The following SPINK6 variants were observed in gnomAD, a reference collection of about 807,000 sequenced individuals.
SPINK6 encodes serine protease inhibitor Kazal-type 6.
A neutral mutation model predicts 11.7 loss-of-function variants in SPINK6; 13 were observed. The observed-to-expected ratio is 1.11, with a 90% CI of 0.72 to 1.76. The LOEUF is 1.76. Ranked by LOEUF, SPINK6 falls within the 40% of genes most tolerant of loss-of-function variation. SPINK6 has a pLI of 0.00. For missense variants in SPINK6, 98 were observed against 93.7 expected (o/e 1.05, Z -0.19); for synonymous variants, 21 against 31.9 (o/e 0.66, Z 1.15).
chr5:148,212,548 T>TTTATATAAG (rs1561733613), intron 2 of SPINK6, among the ~76,000 whole-genome samples: 8 of 112,514 alleles, frequency 7.1e-5, no homozygotes, highest in South Asian at 2.4e-4. Context: ...AAGTATATAT[T>TTTATATAAG]TATATATTTA....
intron 2 of SPINK6, 129 bp downstream of exon 2, chr5:148,206,187 A>T (rs1173678124): frequency 2.4e-6 from 2 of 847,682 alleles, no homozygotes; most frequent in African/African-American, 3.4e-5. Context: ...TGCAGACATC[A>T]GCAGAAATTA....
chr5:148,210,879 A>G (rs1282218230), intron 2 of SPINK6, among the ~76,000 whole-genome samples: 1 of 152,162 alleles, frequency 6.6e-6, no homozygotes, highest in African/African-American at 2.4e-5. Context: ...AGGGGAAGCC[A>G]AGCTTGGTAG....
intron 2 of SPINK6, 36 bp downstream of exon 2, chr5:148,206,094 G>A: frequency 1.9e-6 from 3 of 1,613,462 alleles, no homozygotes; most frequent in Non-Finnish European, 2.5e-6. Flanking sequence ...TTCTGCCTGG[G>A]TGGTGCTTGG....
chr5:148,214,200 A>G (rs1358357104), intron 3 of SPINK6, among the ~76,000 whole-genome samples, 175 bp downstream of exon 3: 1 of 152,194 alleles, frequency 6.6e-6, no homozygotes, highest in Non-Finnish European at 1.5e-5. Context: ...AAAACATTAC[A>G]TACTAAATTA....
chr5:148,203,941 C>A (rs192566514), intron 1 of SPINK6, among the ~76,000 whole-genome samples: 2 of 152,242 alleles, frequency 1.3e-5, no homozygotes, highest in Admixed American at 1.3e-4. Context: ...AGTTTTTAGA[C>A]CTAAGACCTA....
intron 2 of SPINK6, among the ~76,000 whole-genome samples, chr5:148,209,407 G>T (rs901801761): frequency 2.0e-5 from 3 of 152,092 alleles, no homozygotes; most frequent in Non-Finnish European, 4.4e-5. Flanking sequence ...AGAGCTTTGA[G>T]CAGTACAATT....
At chr5:148,205,171 C>T (rs1755481167) in intron 1 of SPINK6, among the ~76,000 whole-genome samples, 1 of 151,988 alleles carries the variant, frequency 6.6e-6, no homozygotes, top group Non-Finnish European at 1.5e-5. Flanking sequence ...GGTTGTTATC[C>T]CATAAGTGTT....
At chr5:148,210,742 AG>A (rs1191007901) in intron 2 of SPINK6, among the ~76,000 whole-genome samples, 1 of 152,118 alleles carries the variant, frequency 6.6e-6, no homozygotes, top group African/African-American at 2.4e-5. Flanking sequence ...AGTTTCAAAA[AG>A]GTTGGAGTGA....
chr5:148,205,917 G>T, intron 1 of SPINK6, 119 bp from the exon 2 acceptor site: 2 of 1,012,396 alleles, frequency 2.0e-6, no homozygotes, highest in Non-Finnish European at 1.5e-6. Flanking sequence ...AAAAAAATAC[G>T]ATGACTTTTT....
At chr5:148,212,666 T>TA (rs1368782278) in intron 2 of SPINK6, among the ~76,000 whole-genome samples, 1 of 102,420 alleles carries the variant, frequency 9.8e-6, no homozygotes, top group Non-Finnish European at 1.7e-5. Flanking sequence ...ATTTATATAT[T>TA]TATATAATAT....
chr5:148,209,583 G>A (rs1333453376), intron 2 of SPINK6, among the ~76,000 whole-genome samples: 3 of 152,142 alleles, frequency 2.0e-5, no homozygotes, highest in Non-Finnish European at 4.4e-5. Context: ...AGTGAGTTTA[G>A]AGGCTATCTA....
intron 2 of SPINK6, among the ~76,000 whole-genome samples, chr5:148,207,349 G>T (rs1019506497): frequency 2.6e-5 from 4 of 152,014 alleles, no homozygotes; most frequent in African/African-American, 9.7e-5. Flanking sequence ...TGATTTCTCA[G>T]ATTTTTTTTC....
intron 2 of SPINK6, among the ~76,000 whole-genome samples, chr5:148,211,577 C>G (rs2113315326): frequency 6.6e-6 from 1 of 152,170 alleles, no homozygotes; most frequent in East Asian, 1.9e-4. Flanking sequence ...ACATGTGTTC[C>G]TTGTTGTTTC....
chr5:148,212,703 A>G (rs532624757), intron 2 of SPINK6, among the ~76,000 whole-genome samples: 1 of 117,048 alleles, frequency 8.5e-6, no homozygotes, highest in South Asian at 2.4e-4. Context: ...ATATATTTAT[A>G]CAATATATAG....
intron 2 of SPINK6, among the ~76,000 whole-genome samples, chr5:148,211,821 G>C (rs1334068335): frequency 1.3e-5 from 2 of 152,054 alleles, no homozygotes; most frequent in African/African-American, 4.8e-5. Flanking sequence ...TTCTTCCACG[G>C]GGCAGAGGAA....
chr5:148,214,064 C>CAAACTTCCATAATA, intron 3 of SPINK6, 39 bp downstream of exon 3: 1 of 1,268,808 alleles, frequency 7.9e-7, no homozygotes, highest in Non-Finnish European at 1.1e-6. Context: ...CTTGCAAACA[C>CAAACTTCCATAATA]AAACTTCCAT....
At chr5:148,210,279 CATACATAT>C (rs1561732653) in intron 2 of SPINK6, among the ~76,000 whole-genome samples, 69 of 27,904 alleles carry the variant, frequency 2.5e-3, no homozygotes, top group African/African-American at 7.7e-3. Context: ...TGTGTTTCTG[CATACATAT>C]ATATGTATGT....
chr5:148,213,995 G>A lies in SPINK6; in HGVS notation c.167G>A (p.Gly56Asp). The A allele has an allele frequency of 6.2e-7, 1 of 1,612,868 alleles. No individual in the cohort carries two copies. The highest frequency in any genetic ancestry group is 8.5e-7 in the Non-Finnish European group (1 of 1,178,964). ...TGTGGCTCTGATGGCCAGACATATG[G>A]CAATAAATGTGCCTTCTGTAAGGCC... ...PHCGSDGQTYGNKCAFCKAIV... is the reference protein window; with the variant it reads ...PHCGSDGQTYDNKCAFCKAIV... The change falls in exon 3 of 4, where the codon GGC becomes GAC. Residue 56 changes from glycine (G) to aspartate (D), a missense_variant. Coordinates refer to ENST00000325630, the MANE Select transcript of SPINK6 (RefSeq NM_205841.4).
chr5:148,210,059 T>TACGC, intron 2 of SPINK6, among the ~76,000 whole-genome samples: 1 of 113,260 alleles, frequency 8.8e-6, no homozygotes, highest in Admixed American at 1.0e-4. Context: ...TATATGTATG[T>TACGC]ATATGTATGT....
Sources: gnomAD v4.1 joint callset for allele counts (sites outside exome capture counted in the v4.1 genomes callset) on GRCh38, gnomAD v4.1.1 for gene constraint, MANE v1.5 for transcripts, NCBI Gene and HGNC (gene_info 2026-07-23, HGNC 2026-07-21) for gene names.